The following PCSK6 variants were observed in gnomAD, a reference collection of about 807,000 sequenced individuals.
The protein encoded by PCSK6 is paired basic amino acid cleaving enzyme 4.
PCSK6 carries 85 observed loss-of-function variants against 123.3 expected under a neutral mutation model. The observed-to-expected ratio is 0.69, with a 90% CI of 0.58 to 0.83. The LOEUF (loss-of-function observed/expected upper bound fraction) is 0.83, where lower values mean the gene tolerates loss of function less well. PCSK6 is among the 40% of genes least tolerant of loss of function. The probability of loss-of-function intolerance (pLI) is 0.00; values close to 1 mark genes in which losing one functional copy is unlikely to be tolerated. For synonymous variants in PCSK6, 508 were observed against 516.0 expected, an observed-to-expected ratio of 0.98 and a Z score of 0.21; for missense variants, 1,191 against 1,282.3, an observed-to-expected ratio of 0.93 and a Z score of 1.09.
intron 11 of PCSK6, among the ~76,000 whole-genome samples, chr15:101,380,421 G>C (rs564272845): frequency 3.0e-4 from 45 of 152,290 alleles, no homozygotes; most frequent in African/African-American, 1.0e-3. Context: ...TAGCCTCTGA[G>C]GGTCCAGGCT....
intron 13 of PCSK6, among the ~76,000 whole-genome samples, chr15:101,351,193 T>C (rs1465279626): frequency 3.9e-5 from 6 of 152,210 alleles, no homozygotes; most frequent in Admixed American, 2.6e-4. Flanking sequence ...TATTCCCATA[T>C]GGAAATCGAC....
At chr15:101,372,154 C>T (rs1410606194) in intron 11 of PCSK6, among the ~76,000 whole-genome samples, 3 of 152,204 alleles carry the variant, frequency 2.0e-5, no homozygotes, top group Non-Finnish European at 4.4e-5. Context: ...CGACCCACCC[C>T]AGTGATCTGC....
At chr15:101,350,400 C>T (rs1345260346) in intron 13 of PCSK6, among the ~76,000 whole-genome samples, 1 of 152,120 alleles carries the variant, frequency 6.6e-6, no homozygotes, top group Non-Finnish European at 1.5e-5. Flanking sequence ...ATTATCTAAC[C>T]TCTACAGTTG....
At chr15:101,361,489 G>C (rs943246477) in intron 13 of PCSK6, among the ~76,000 whole-genome samples, 1 of 152,198 alleles carries the variant, frequency 6.6e-6, no homozygotes, top group African/African-American at 2.4e-5. Flanking sequence ...GGCCAGGTCT[G>C]AGCTGCAGCC....
intron 6 of PCSK6, among the ~76,000 whole-genome samples, chr15:101,422,928 A>G (rs2056132731): frequency 6.6e-6 from 1 of 152,146 alleles, no homozygotes; most frequent in South Asian, 2.1e-4. Flanking sequence ...GCCAAGAAAG[A>G]AACTTAATGA....
At chr15:101,458,245 C>T (rs2057241785) in intron 1 of PCSK6, among the ~76,000 whole-genome samples, 1 of 152,206 alleles carries the variant, frequency 6.6e-6, no homozygotes, top group Admixed American at 6.5e-5. Context: ...GGGCACAGGT[C>T]GTGGTGATAG....
intron 13 of PCSK6, among the ~76,000 whole-genome samples, chr15:101,339,835 C>T (rs151077870): frequency 1.3e-5 from 2 of 151,932 alleles, no homozygotes; most frequent in Non-Finnish European, 2.9e-5. Flanking sequence ...TGCTAGAGCC[C>T]AAGAGTTGGA....
chr15:101,318,916 T>C (rs2040054498), intron 18 of PCSK6, among the ~76,000 whole-genome samples: 1 of 152,182 alleles, frequency 6.6e-6, no homozygotes, highest in Non-Finnish European at 1.5e-5. Flanking sequence ...CGCAATGAAC[T>C]TGAAATAAGA....
At chr15:101,452,688 C>T (rs1017171527) in intron 1 of PCSK6, among the ~76,000 whole-genome samples, 20 of 152,218 alleles carry the variant, frequency 1.3e-4, no homozygotes, top group South Asian at 4.1e-4. Context: ...AGATGTCAGT[C>T]CAGGCAGATA....
intron 1 of PCSK6, among the ~76,000 whole-genome samples, chr15:101,472,580 G>C (rs1206762080): frequency 1.3e-5 from 2 of 152,202 alleles, no homozygotes; most frequent in Non-Finnish European, 2.9e-5. Context: ...TCTCTCAATG[G>C]TGGCGCCTGG....
At chr15:101,357,838 C>G (rs1477769425) in intron 13 of PCSK6, among the ~76,000 whole-genome samples, 1 of 152,194 alleles carries the variant, frequency 6.6e-6, no homozygotes, top group Non-Finnish European at 1.5e-5. Context: ...GAGATCTTCT[C>G]AGACTCTCCT....
intron 6 of PCSK6, among the ~76,000 whole-genome samples, chr15:101,418,833 T>A (rs981267714): frequency 1.3e-5 from 2 of 152,150 alleles, no homozygotes; most frequent in Non-Finnish European, 2.9e-5. Context: ...AATCTATTAA[T>A]GTAACTTATT....
chr15:101,322,124 T>C (rs1234332213), intron 18 of PCSK6, among the ~76,000 whole-genome samples: 2 of 151,856 alleles, frequency 1.3e-5, no homozygotes, highest in Admixed American at 1.3e-4. Flanking sequence ...TGTCAGGAGC[T>C]GGGAGAAAAA....
chr15:101,416,287 C>T (rs552672436), intron 6 of PCSK6, among the ~76,000 whole-genome samples: 5 of 152,290 alleles, frequency 3.3e-5, no homozygotes, highest in Admixed American at 2.6e-4. Flanking sequence ...TTTGCCCCTG[C>T]CCCAGAGATC....
chr15:101,475,732 C>T (rs1246253785), intron 1 of PCSK6, among the ~76,000 whole-genome samples: 1 of 148,232 alleles, frequency 6.7e-6, no homozygotes. Flanking sequence ...CTGAAATGAT[C>T]CTCCAGCCTC....
Position 101,307,244 on chromosome 15 carries a change from G to C in PCSK6, c.2781C>G (p.Thr927=), listed in dbSNP as rs886420151. 1 of 1,613,776 alleles carries C rather than the reference G, an allele frequency of 6.2e-7. No homozygotes were observed. The highest frequency in any genetic ancestry group is 1.3e-5 in the African/African-American group (1 of 75,046). The change falls in exon 21 of 22, where the codon ACC becomes ACG. Residue 927 remains threonine, a synonymous_variant. Transcript: ENST00000611716. ...RCKTGFTQLG[T]SCITNHTCSN... is the part of the protein sequence containing the mutation. ...TGCACGTGTGGTTGGTGATGCAGGA[G>C]GTCCCCAGCTGTGTGAAGCCCGTCT... is the stretch of plus-strand genomic sequence containing the variant.
rs10525638 is a variant in PCSK6 at position 101,392,593 on chromosome 15, C to CTTTTTTTTTTTTTTTTTTTT, written c.1209+618_1209+619insAAAAAAAAAAAAAAAAAAAA. Among the ~76,000 whole-genome samples, 302 of 122,276 alleles carry CTTTTTTTTTTTTTTTTTTTT rather than the reference C, an allele frequency of 2.5e-3. 8 individuals carry two copies. Among genetic ancestry groups the CTTTTTTTTTTTTTTTTTTTT allele is most frequent in the African/African-American group, 7.0e-3 (213 of 30,380 alleles). The allele number at this position is 122,276 out of a possible 152,430, so 80.2% of individuals were successfully genotyped here. ...TTTGAACTGGAAACCCTCCCTTCCT[C>CTTTTTTTTTTTTTTTTTTTT]TTTTTTTTTTTTTTTTTAAGTAGGA... On this transcript the variant is annotated intron_variant, in intron 8 of 21. Transcript: ENST00000611716.
At chr15:101,417,164 G>A (rs138267628) in intron 6 of PCSK6, among the ~76,000 whole-genome samples, 2 of 152,188 alleles carry the variant, frequency 1.3e-5, no homozygotes, top group Non-Finnish European at 2.9e-5. Context: ...TTTATCAGGG[G>A]TTTCTGCTTT....
chr15:101,331,759 C>A (rs2040375666), intron 14 of PCSK6, 70 bp from the exon 15 acceptor site: 1 of 1,601,296 alleles, frequency 6.2e-7, no homozygotes, highest in Non-Finnish European at 8.5e-7. Flanking sequence ...ATCAGCCCCA[C>A]CTTTGCCAGG....
Sources: gnomAD v4.1 joint callset for allele counts (sites outside exome capture counted in the v4.1 genomes callset) on GRCh38, gnomAD v4.1.1 for gene constraint, MANE v1.5 for transcripts, NCBI Gene and HGNC (gene_info 2026-07-23, HGNC 2026-07-21) for gene names.